Variants in KDM6A observed in about 807,000 individuals in gnomAD.
KDM6A encodes the protein lysine-specific demethylase 6A.
In KDM6A, 11 loss-of-function variants were observed where a neutral mutation model predicts 117.6. That is an observed-to-expected ratio of 0.09 (90% CI 0.06 to 0.15). The LOEUF (loss-of-function observed/expected upper bound fraction) is 0.15. KDM6A is among the 10% of genes least tolerant of loss of function. The pLI is 1.00. For synonymous variants in KDM6A, 384 were observed against 396.1 expected (o/e 0.97, Z 0.36); for missense variants, 799 against 1,077.3 (o/e 0.74, Z 3.62).
At chrX:45,032,406 ATC>A (rs1011126114) in intron 6 of KDM6A, among the ~76,000 whole-genome samples, 1 of 111,800 alleles carries the variant, frequency 8.9e-6, no homozygotes, top group Non-Finnish European at 1.9e-5. Context: ...CCGGTTCTTC[ATC>A]TCTCTTGAGA....
intron 4 of KDM6A, among the ~76,000 whole-genome samples, chrX:45,000,085 G>A (rs1390686130): frequency 1.6e-4 from 18 of 111,472 alleles, no homozygotes; most frequent in African/African-American, 5.6e-4. Flanking sequence ...TCATCATGAC[G>A]CAAACTCCTC....
At chrX:44,956,992 T>C (rs1165259407) in intron 2 of KDM6A, among the ~76,000 whole-genome samples, 1 of 110,227 alleles carries the variant, frequency 9.1e-6, no homozygotes, top group Non-Finnish European at 1.9e-5. Context: ...TAGCCGGGCA[T>C]GGTGGTGGGT....
At chrX:44,901,517 A>T (rs887662660) in intron 2 of KDM6A, among the ~76,000 whole-genome samples, 2 of 110,993 alleles carry the variant, frequency 1.8e-5, no homozygotes, top group Non-Finnish European at 3.8e-5. Flanking sequence ...GAGCTCTTGG[A>T]GTCTTCTATT....
At chrX:44,977,500 G>T (rs1320823734) in intron 4 of KDM6A, among the ~76,000 whole-genome samples, 6 of 111,412 alleles carry the variant, frequency 5.4e-5, no homozygotes, top group African/African-American at 2.0e-4. Flanking sequence ...CTGGCCTCAA[G>T]TAATTCTCCC....
At chrX:44,897,269 GTTTTTT>G (rs1207197202) in intron 2 of KDM6A, among the ~76,000 whole-genome samples, 2 of 68,738 alleles carry the variant, frequency 2.9e-5, no homozygotes, top group East Asian at 9.4e-4. Flanking sequence ...TTTATTTTAG[GTTTTTT>G]TTTTTTTTTT....
chrX:44,994,575 T>C (rs1221427261), intron 4 of KDM6A, among the ~76,000 whole-genome samples: 1 of 111,911 alleles, frequency 8.9e-6, no homozygotes, highest in Non-Finnish European at 1.9e-5. Flanking sequence ...AATATGGGAG[T>C]ATAGATGTTA....
At chrX:45,079,072 A>G (rs983702553) in intron 20 of KDM6A, 74 bp from the exon 21 acceptor site, 3 of 312,793 alleles carry the variant, frequency 9.6e-6, no homozygotes, top group East Asian at 2.2e-4. Flanking sequence ...TTCTTCCTTT[A>G]AAAAAAAAAA....
intron 8 of KDM6A, among the ~76,000 whole-genome samples, chrX:45,038,750 C>T (rs1038744642): frequency 2.2e-4 from 24 of 110,163 alleles, no homozygotes; most frequent in Non-Finnish European, 3.8e-4. Context: ...GCACATGTAT[C>T]CCAGAACTTA....
intron 10 of KDM6A, among the ~76,000 whole-genome samples, chrX:45,058,227 T>C (rs2044161731): frequency 9.1e-6 from 1 of 109,407 alleles, no homozygotes; most frequent in South Asian, 3.9e-4. Flanking sequence ...CTCAACTAAA[T>C]TGTAAGCTTC....
chrX:45,006,165 C>CA (rs1167109333), intron 4 of KDM6A, among the ~76,000 whole-genome samples: 1 of 85,126 alleles, frequency 1.2e-5, no homozygotes, highest in Non-Finnish European at 2.3e-5. Context: ...AGCCCTGCGC[C>CA]CCCCCCCGCC....
chrX:45,093,380 A>AC (rs2045970791), intron 27 of KDM6A, among the ~76,000 whole-genome samples: 2 of 107,816 alleles, frequency 1.9e-5, no homozygotes, highest in African/African-American at 6.9e-5. Context: ...CTCTCAAAAA[A>AC]AAAACAAACA....
chrX:44,880,803 C>CA (rs201202490), intron 2 of KDM6A, among the ~76,000 whole-genome samples: 12,934 of 54,222 alleles, frequency 0.24, 905 homozygotes, highest in African/African-American at 0.46. Flanking sequence ...AACAAACAAA[C>CA]AAAAAAAAGT....
intron 24 of KDM6A, among the ~76,000 whole-genome samples, chrX:45,084,416 T>C (rs1203351791): frequency 9.0e-6 from 1 of 111,613 alleles, no homozygotes; most frequent in Non-Finnish European, 1.9e-5. Flanking sequence ...GCTGTACCAA[T>C]GTACTTGGGG....
At chrX:45,078,271 C>A in intron 19 of KDM6A, 129 bp from the exon 20 acceptor site, 1 of 615,037 alleles carries the variant, frequency 1.6e-6, no homozygotes, top group Non-Finnish European at 2.5e-6. Flanking sequence ...AAGATACTGT[C>A]AAATAGAAAT....
Position 45,051,790 on chromosome X carries a change from T to C in KDM6A, c.736T>C (p.Leu246=). The change falls in exon 9 of 30, where the codon TTA becomes CTA. Residue 246 remains leucine (L), a synonymous_variant. Transcript: ENST00000611820. ...NLSAQVKATV[L]QQLGWMHHTV... is the part of the protein sequence containing the mutation. ...TTCTGCACAAGTAAAAGCAACTGTCTTACAACAGTTAGGTATGTAATAGTA... is the reference window on the plus strand; with the variant it reads ...TTCTGCACAAGTAAAAGCAACTGTCCTACAACAGTTAGGTATGTAATAGTA... 5.4e-6 allele frequency: 6 copies of C among 1,117,405 alleles called. No individual in the cohort carries two copies. The highest frequency in any genetic ancestry group is 7.4e-6 in the Non-Finnish European group (6 of 811,600). 92.1% of individuals were successfully genotyped at this position (1,117,405 alleles called of 1,213,427 possible).
In KDM6A at chrX:45,063,417, G is replaced by T. The variant is rs377621855; in HGVS notation, c.1684-5G>T. 1.0e-5 allele frequency: 12 copies of T among 1,199,400 alleles called. No homozygotes were observed. Among genetic ancestry groups the T allele is most frequent in the Non-Finnish European group, 1.2e-5 (11 of 893,359 alleles). ...GCATTTACTTTTCCTTTGTTTTTTT[G>T]ACAGATGAGACCAACAGGAGTTGCA... On this transcript the variant is annotated splice_region_variant and splice_polypyrimidine_tract_variant and intron_variant, in intron 16 of 29. Transcript: ENST00000611820.
At chrX:45,058,946 A>C in intron 10 of KDM6A, 60 bp from the exon 11 acceptor site, 1 of 1,035,570 alleles carries the variant, frequency 9.7e-7, no homozygotes, top group African/African-American at 1.9e-5. Context: ...CAGCCGATTA[A>C]TTTGTTTCAG....
intron 2 of KDM6A, among the ~76,000 whole-genome samples, chrX:44,921,081 G>A (rs903994996): frequency 9.1e-6 from 1 of 109,574 alleles, no homozygotes; most frequent in Non-Finnish European, 1.9e-5. Flanking sequence ...CACCATGTTG[G>A]CCAGGCTGTT....
chrX:44,923,724 T>C (rs1348209330), intron 2 of KDM6A, among the ~76,000 whole-genome samples: 1 of 108,750 alleles, frequency 9.2e-6, no homozygotes, highest in East Asian at 2.9e-4. Context: ...GGCTGATTGA[T>C]TGATTGATTG....
Sources: gnomAD v4.1 joint callset for allele counts (sites outside exome capture counted in the v4.1 genomes callset) on GRCh38, gnomAD v4.1.1 for gene constraint, MANE v1.5 for transcripts, NCBI Gene and HGNC (gene_info 2026-07-23, HGNC 2026-07-21) for gene names.